The following PCDHGA6 variants were observed in gnomAD, a reference collection of about 807,000 sequenced individuals.
The protein encoded by PCDHGA6 is protocadherin gamma-A6.
In PCDHGA6, 41 loss-of-function variants were observed where a neutral mutation model predicts 60.6. That is an observed-to-expected ratio of 0.68 (90% CI 0.53 to 0.88). PCDHGA6 has a LOEUF of 0.88. PCDHGA6 is among the 40% of genes least tolerant of loss of function. PCDHGA6 has a pLI of 0.00. For synonymous variants in PCDHGA6, 594 were observed against 524.4 expected (o/e 1.13, Z -1.81); for missense variants, 1,312 against 1,203.0 (o/e 1.09, Z -1.34).
In PCDHGA6 at chr5:141,491,533, C is replaced by G. The variant is rs758270791; in HGVS notation, c.2425-3274C>G. 4.3e-6 allele frequency: 7 copies of G among 1,614,010 alleles called. No homozygotes were observed. The highest frequency in any genetic ancestry group is 5.1e-6 in the Non-Finnish European group (6 of 1,180,028). ...GCTCAAGTACATGGAGGTGACGCTGCGGCCCACAGACTCGCAGAGCCACTG... is the reference window on the plus strand; with the variant it reads ...GCTCAAGTACATGGAGGTGACGCTGGGGCCCACAGACTCGCAGAGCCACTG... On this transcript the variant is annotated intron_variant, in intron 1 of 3. Transcript: ENST00000517434. The surrounding 1 kb of genome is among the most constrained non-coding windows in gnomAD (Gnocchi z 6.9).
At position 141,486,002 on chromosome 5, in the gene PCDHGA6, G is replaced by A. The variant is rs372373315; in HGVS notation, c.2425-8805G>A. ...CCCGGACCTGGGTCCCAGTGGTAAC[G>A]TCACCTTTTATTTCAGTGGTCATAC... On this transcript the variant is annotated intron_variant, in intron 1 of 3. Coordinates refer to ENST00000517434, the MANE Select transcript of PCDHGA6 (RefSeq NM_018919.3). The surrounding 1 kb of genome is among the most constrained non-coding windows in gnomAD (Gnocchi z 5.0). 2.0e-5 allele frequency: 33 copies of A among 1,614,030 alleles called. No homozygotes were observed. The highest frequency in any genetic ancestry group is 2.8e-5 in the Non-Finnish European group (33 of 1,180,014).
At position 141,374,510 on chromosome 5, in the gene PCDHGA6, C is replaced by A; in HGVS notation, c.427C>A (p.Leu143Ile). ...AAAGGAAGAATTGGAAGTGAAAATT[C>A]TCGAAAACGCAGCTCCATCCTCTCG... The part of the protein sequence containing the change: ...FLKEELEVKI[L>I]ENAAPSSRFP... Residue 143 changes from leucine (L) to isoleucine (I), a missense_variant, in exon 1 of 4, where the codon CTC (leucine) becomes ATC (isoleucine). Physicochemically the swap from Leu to Ile is conservative, Grantham distance 5. Coordinates refer to ENST00000517434, the MANE Select transcript of PCDHGA6 (RefSeq NM_018919.3). 1 of 1,611,824 alleles carries A rather than the reference C, an allele frequency of 6.2e-7. No individual in the cohort carries two copies. Among genetic ancestry groups the A allele is most frequent in the Non-Finnish European group, 8.5e-7 (1 of 1,178,080 alleles).
chr5:141,427,829 G>C, intron 1 of PCDHGA6: 1 of 1,538,520 alleles, frequency 6.5e-7, no homozygotes. Flanking sequence ...TGGTCGCGCA[G>C]CGTGCCTTCG....
intron 1 of PCDHGA6, chr5:141,400,718 A>G (rs2094066078): frequency 3.0e-6 from 2 of 671,700 alleles, no homozygotes; most frequent in Non-Finnish European, 5.0e-6. Flanking sequence ...AGCCTTATAG[A>G]TTTACAAAGT....
chr5:141,431,768 G>T lies in PCDHGA6; in HGVS notation c.2424+55261G>T. 6.2e-7 allele frequency: 1 copy of T among 1,614,218 alleles called. No individual in the cohort carries two copies. The highest frequency in any genetic ancestry group is 8.5e-7 in the Non-Finnish European group (1 of 1,180,036). On this transcript the variant is annotated intron_variant, in intron 1 of 3. Coordinates refer to ENST00000517434, the MANE Select transcript of PCDHGA6 (RefSeq NM_018919.3). The surrounding 1 kb of genome is among the most constrained non-coding windows in gnomAD (Gnocchi z 4.8). ...TGCGCGAGCCAAAGTCCTGATCACT[G>T]TTCTGGACGTGAACGACAATGCCCC...
chr5:141,493,206 C>A lies in PCDHGA6; in HGVS notation c.2425-1601C>A, dbSNP rs191090598. Among the ~76,000 whole-genome samples the A allele has an allele frequency of 2.4e-3, 368 of 152,322 alleles. 2 individuals carry two copies. Among genetic ancestry groups the A allele is most frequent in the Admixed American group, 4.5e-3 (69 of 15,296 alleles). On this transcript the variant is annotated intron_variant, in intron 1 of 3. Transcript: ENST00000517434. This position sits in a 1 kb window ranked among gnomAD's most constrained non-coding sequence, Gnocchi z 4.3. ...TATAACTCCTTTGAGAACCTCATCT[C>A]ATTTGCTCTTCCCACCATTGCTGTT...
In PCDHGA6 at chr5:141,399,258, G is replaced by T; in HGVS notation, c.2424+22751G>T. On this transcript the variant is annotated intron_variant, in intron 1 of 3. Coordinates refer to ENST00000517434, the MANE Select transcript of PCDHGA6 (RefSeq NM_018919.3). ...ACCAAGATTCTGGGGAAAATGGGGA[G>T]GTTAATTGTCAATTACAAGGCGAAG... 4 of 1,613,870 alleles carry T rather than the reference G, an allele frequency of 2.5e-6. No homozygotes were observed. Among genetic ancestry groups the T allele is most frequent in the East Asian group, 2.2e-5 (1 of 44,878 alleles).
chr5:141,447,481 A>G lies in PCDHGA6; in HGVS notation c.2425-47326A>G, dbSNP rs141192758. 3.9e-3 allele frequency among the ~76,000 whole-genome samples: 591 copies of G among 152,326 alleles called. 6 individuals carry two copies. The highest frequency in any genetic ancestry group is 0.011 in the Admixed American group (170 of 15,286). ...TTTTCTTCACCATCTGTAAAACTGC[A>G]TAGAAGGAATGTTTAGGATAAAAGA... On this transcript the variant is annotated intron_variant, in intron 1 of 3. Transcript: ENST00000517434.
At chr5:141,411,097 A>C (rs2095464397) in intron 1 of PCDHGA6, 1 of 153,002 alleles carries the variant, frequency 6.5e-6, no homozygotes, top group Non-Finnish European at 1.4e-5. Flanking sequence ...TGATCCTCCC[A>C]CCTTGGCCTC....
chr5:141,467,897 A>G (rs1403276382), intron 1 of PCDHGA6, among the ~76,000 whole-genome samples: 1 of 152,056 alleles, frequency 6.6e-6, no homozygotes, highest in Non-Finnish European at 1.5e-5. Flanking sequence ...GAGCTCAAGA[A>G]ATCCGCCCAC....
chr5:141,378,356 C>G (rs1244158802), intron 1 of PCDHGA6: 2 of 152,218 alleles, frequency 1.3e-5, no homozygotes, highest in African/African-American at 4.8e-5. Flanking sequence ...AACCCCGTCT[C>G]TACTAAAAAT....
chr5:141,416,063 A>G (rs546746824), intron 1 of PCDHGA6: 201 of 176,914 alleles, frequency 1.1e-3, no homozygotes, highest in Non-Finnish European at 1.8e-3. Flanking sequence ...ATCCAAGAAT[A>G]CTCAATGCAG....
Position 141,386,707 on chromosome 5 carries a change from T to C in PCDHGA6, c.2424+10200T>C, listed in dbSNP as rs577728957. Among the ~76,000 whole-genome samples, 44 of 152,320 alleles carry C rather than the reference T, an allele frequency of 2.9e-4. No homozygotes were observed. The South Asian group carries it at 9.1e-3, about 32-fold the overall frequency. On this transcript the variant is annotated intron_variant, in intron 1 of 3. Transcript: ENST00000517434. ...AATCACTTGGGGTAGAAGACAATGT[T>C]GCTGACACCAACAATGTTACTGAGG... is the stretch of plus-strand genomic sequence containing the variant.
chr5:141,451,914 A>G (rs1387569597), intron 1 of PCDHGA6, among the ~76,000 whole-genome samples: 3 of 152,022 alleles, frequency 2.0e-5, no homozygotes, highest in East Asian at 1.9e-4. Context: ...GGGAGGGAGG[A>G]AGGAAGGGAG....
intron 1 of PCDHGA6, chr5:141,393,005 C>T: frequency 6.2e-7 from 1 of 1,613,866 alleles, no homozygotes; most frequent in Non-Finnish European, 8.5e-7. Context: ...AGCACGGAGT[C>T]CGTATCGTCT....
At position 141,478,147 on chromosome 5, in the gene PCDHGA6, C is replaced by T. The variant is rs199689679; in HGVS notation, c.2425-16660C>T. On this transcript the variant is annotated intron_variant, in intron 1 of 3. Transcript: ENST00000517434. The stretch of plus-strand genomic sequence containing the variant: ...ACTCTCCTGAAGCCCGAGCCGAGTT[C>T]CCCTCTGGCTCTGCCCCCCGGGAGC... The T allele has an allele frequency of 2.0e-5, 32 of 1,614,076 alleles. 1 individual carries two copies. In the East Asian group the frequency reaches 5.3e-4, roughly 27 times the overall value.
chr5:141,384,941 C>A lies in PCDHGA6; in HGVS notation c.2424+8434C>A, dbSNP rs748067928. Reference sequence around the variant, plus strand: ...GCCGACCTGGGCAGCCTTGAGCCCTCCGACGGTCCTTACAACTATGACCTC... The same window carrying A: ...GCCGACCTGGGCAGCCTTGAGCCCTACGACGGTCCTTACAACTATGACCTC... On this transcript the variant is annotated intron_variant, in intron 1 of 3. Transcript: ENST00000517434. 2.5e-6 allele frequency: 4 copies of A among 1,614,104 alleles called. No homozygotes were observed. The highest frequency in any genetic ancestry group is 3.4e-6 in the Non-Finnish European group (4 of 1,180,022).
Position 141,485,468 on chromosome 5 carries a change from A to G in PCDHGA6, c.2425-9339A>G. On this transcript the variant is annotated intron_variant, in intron 1 of 3. Coordinates refer to ENST00000517434, the MANE Select transcript of PCDHGA6 (RefSeq NM_018919.3). This position sits in a 1 kb window ranked among gnomAD's most constrained non-coding sequence, Gnocchi z 5.7. The stretch of plus-strand genomic sequence containing the variant: ...CGACCGAGAGGCACTGTGTGGGCTC[A>G]GTGCCAGCTGCATCGTGCCCCTGGA... 1 of 1,614,166 alleles carries G rather than the reference A, an allele frequency of 6.2e-7. No homozygotes were observed. Among genetic ancestry groups the G allele is most frequent in the Non-Finnish European group, 8.5e-7 (1 of 1,180,020 alleles).
chr5:141,462,617 T>C (rs1413543706), intron 1 of PCDHGA6, among the ~76,000 whole-genome samples: 1 of 151,850 alleles, frequency 6.6e-6, no homozygotes, highest in East Asian at 1.9e-4. Context: ...TTTTCACTTT[T>C]AGAAGTTCCA....
Sources: allele counts gnomAD v4.1 joint callset (sites outside exome capture counted in the v4.1 genomes callset), GRCh38; gene constraint gnomAD v4.1.1; non-coding constraint Gnocchi (gnomAD v3.1); transcripts MANE v1.5; gene names NCBI Gene and HGNC (gene_info 2026-07-23, HGNC 2026-07-21).